Variants in PLA2G6 observed in about 807,000 individuals in gnomAD.
The protein encoded by PLA2G6 is 85/88 kDa calcium-independent phospholipase A2.
In PLA2G6, 62 loss-of-function variants were observed where a neutral mutation model predicts 83.8. The observed-to-expected ratio is 0.74, with a 90% CI of 0.60 to 0.91. The LOEUF is 0.91. Among genes scored for constraint, PLA2G6 ranks in the 40% least tolerant of loss-of-function variants. The pLI, the probability that PLA2G6 is intolerant of heterozygous loss-of-function variation, is 0.00. For synonymous variants in PLA2G6, 417 were observed against 449.8 expected, an observed-to-expected ratio of 0.93 and a Z score of 0.92; for missense variants, 944 against 1,102.0, an observed-to-expected ratio of 0.86 and a Z score of 2.03.
At chr22:38,160,359 T>A (rs949350987) in intron 2 of PLA2G6, among the ~76,000 whole-genome samples, 1 of 152,174 alleles carries the variant, frequency 6.6e-6, no homozygotes, top group Non-Finnish European at 1.5e-5. Context: ...AGTTCACTTC[T>A]AGGTATGTCT....
chr22:38,175,682 C>T (rs747353595), intron 1 of PLA2G6, among the ~76,000 whole-genome samples: 4 of 152,204 alleles, frequency 2.6e-5, no homozygotes, highest in Admixed American at 6.5e-5. Flanking sequence ...CATACCCGCA[C>T]CTCCGCCCTG....
chr22:38,170,090 C>G (rs193258960), intron 1 of PLA2G6, among the ~76,000 whole-genome samples: 63 of 151,116 alleles, frequency 4.2e-4, no homozygotes, highest in African/African-American at 1.5e-3. Flanking sequence ...CCCAGCTGCC[C>G]GGGAAGCTGA....
At chr22:38,127,417 C>A (rs2087929346) in intron 9 of PLA2G6, 1 of 1,326,504 alleles carries the variant, frequency 7.5e-7, no homozygotes, top group South Asian at 1.2e-5. Flanking sequence ...CCATCTGACG[C>A]CGCACCCCAG....
intron 2 of PLA2G6, 180 bp from the exon 3 acceptor site, chr22:38,145,833 A>ACACACC (rs1491467180): frequency 6.5e-4 from 385 of 594,816 alleles, no homozygotes; most frequent in Admixed American, 1.7e-3. Context: ...ACACACACAC[A>ACACACC]CCCCTATACA....
At chr22:38,135,320 C>A in intron 5 of PLA2G6, 1 of 533,522 alleles carries the variant, frequency 1.9e-6, no homozygotes, top group Non-Finnish European at 3.4e-6. Context: ...ATCACCCTCC[C>A]TGGTACTGGC....
rs116387231 is a variant in PLA2G6, at chr22:38,147,403, G to A, written c.210-1750C>T. On this transcript the variant is annotated intron_variant, in intron 2 of 16. Coordinates refer to ENST00000332509, the MANE Select transcript of PLA2G6 (RefSeq NM_003560.4). Reference sequence around the variant, plus strand: ...CTAGTGAAGGCAGTGCCCAGAGAGTGTTGGCTCAACGGGACCAGCCTGTTG... The same window carrying A: ...CTAGTGAAGGCAGTGCCCAGAGAGTATTGGCTCAACGGGACCAGCCTGTTG... 7.9e-3 allele frequency: 1,343 copies of A among 169,328 alleles called. 22 individuals carry two copies. The highest frequency in any genetic ancestry group is 0.03 in the African/African-American group (1,262 of 41,550). The allele number at this position is 169,328 out of a possible 1,614,324, so 10.5% of individuals were successfully genotyped here.
At chr22:38,141,634 G>A (rs902017447) in intron 4 of PLA2G6, 2 of 152,168 alleles carry the variant, frequency 1.3e-5, no homozygotes, top group Non-Finnish European at 2.9e-5. Context: ...AGAGGAAAGG[G>A]GAATAATGAC....
rs886057501 is a variant in PLA2G6, at chr22:38,113,654, C to T, written c.2035G>A (p.Gly679Ser). 2.5e-6 allele frequency: 4 copies of T among 1,613,580 alleles called. No homozygotes were observed. The highest frequency in any genetic ancestry group is 1.1e-5 in the South Asian group (1 of 91,066). The part of the protein sequence containing the change: ...HEYNQDLIRK[G>S]QANKVKKLSI... ...AGTTTCTTCACCTTGTTGGCCTGACCCTGTTGGGAACAGGACAGGGGCAGT... is the reference window on the plus strand; with the variant it reads ...AGTTTCTTCACCTTGTTGGCCTGACTCTGTTGGGAACAGGACAGGGGCAGT... Residue 679 changes from glycine (G) to serine (S), a missense_variant and splice_region_variant, in exon 15 of 17, where the codon GGT (glycine) becomes AGT (serine). Gly to Ser is a moderately conservative substitution (Grantham distance 56, BLOSUM62 0). Coordinates refer to ENST00000332509, the MANE Select transcript of PLA2G6 (RefSeq NM_003560.4).
At chr22:38,140,473 A>G in intron 4 of PLA2G6, 1 of 378,330 alleles carries the variant, frequency 2.6e-6, no homozygotes, top group Middle Eastern at 8.8e-4. Flanking sequence ...GCATCATTGC[A>G]CTCTAGCCTG....
At chr22:38,143,386 G>A (rs949096011) in intron 3 of PLA2G6, 98 bp from the exon 4 acceptor site, 13 of 1,162,744 alleles carry the variant, frequency 1.1e-5, no homozygotes, top group Non-Finnish European at 1.5e-5. Flanking sequence ...TCGGAAACTC[G>A]GACTTTCTGG....
intron 1 of PLA2G6, among the ~76,000 whole-genome samples, chr22:38,177,516 G>A (rs1201551355): frequency 6.8e-6 from 1 of 146,702 alleles, no homozygotes; most frequent in Non-Finnish European, 1.5e-5. Flanking sequence ...AAGCTGGAGT[G>A]CAATGGCGTG....
chr22:38,132,467 A>G lies in PLA2G6; in HGVS notation c.1077+364T>C, dbSNP rs1010815011. On this transcript the variant is annotated intron_variant, in intron 7 of 16. Coordinates refer to ENST00000332509, the MANE Select transcript of PLA2G6 (RefSeq NM_003560.4). This position sits in a 1 kb window ranked among gnomAD's most constrained non-coding sequence, Gnocchi z 5.0. ...CATAACTTTTCCACAACTCTTCCAG[A>G]TAAGTATTGACACCACCATTTTCCA... 2.1e-5 allele frequency: 8 copies of G among 376,058 alleles called. No homozygotes were observed. In the Admixed American group the frequency reaches 2.6e-4, roughly 12 times the overall value. The allele number at this position is 376,058 out of a possible 1,614,324, so 23.3% of individuals were successfully genotyped here.
intron 2 of PLA2G6, among the ~76,000 whole-genome samples, chr22:38,158,049 T>C (rs1470825702): frequency 6.6e-6 from 1 of 151,312 alleles, no homozygotes; most frequent in Non-Finnish European, 1.5e-5. Flanking sequence ...AATAAATATA[T>C]AAATAGGAAG....
chr22:38,117,120 A>G (rs2087253300), intron 12 of PLA2G6, among the ~76,000 whole-genome samples: 1 of 136,062 alleles, frequency 7.3e-6, no homozygotes, highest in South Asian at 2.5e-4. Flanking sequence ...CTATTATACT[A>G]ACTCTTCCAA....
intron 2 of PLA2G6, among the ~76,000 whole-genome samples, chr22:38,162,489 G>A (rs139396397): frequency 1.4e-4 from 22 of 152,288 alleles, no homozygotes; most frequent in African/African-American, 5.3e-4. Context: ...AGCACTGTGT[G>A]GGTGGAGGAC....
At chr22:38,161,675 A>T (rs564287469) in intron 2 of PLA2G6, among the ~76,000 whole-genome samples, 121 of 152,186 alleles carry the variant, frequency 8.0e-4, no homozygotes, top group African/African-American at 2.7e-3. Flanking sequence ...GGGAATGTGG[A>T]GTAGGCGGGG....
intron 12 of PLA2G6, among the ~76,000 whole-genome samples, chr22:38,120,192 C>A (rs562479701): frequency 6.6e-6 from 1 of 152,362 alleles, no homozygotes; most frequent in African/African-American, 2.4e-5. Context: ...CAAATGTTTC[C>A]TGGAAATGTG....
At chr22:38,178,897 C>T (rs971777623) in intron 1 of PLA2G6, among the ~76,000 whole-genome samples, 1 of 119,452 alleles carries the variant, frequency 8.4e-6, no homozygotes, top group Non-Finnish European at 1.8e-5. Context: ...CCAAAAAAAA[C>T]CCCACAAAAT....
chr22:38,177,733 G>T (rs1602300865), intron 1 of PLA2G6, among the ~76,000 whole-genome samples: 1 of 152,066 alleles, frequency 6.6e-6, no homozygotes, highest in South Asian at 2.1e-4. Context: ...CAAAGTGCTG[G>T]GGTTACAGGC....
Sources: allele counts gnomAD v4.1 joint callset (sites outside exome capture counted in the v4.1 genomes callset), GRCh38; gene constraint gnomAD v4.1.1; non-coding constraint Gnocchi (gnomAD v3.1); transcripts MANE v1.5; gene names NCBI Gene and HGNC (gene_info 2026-07-23, HGNC 2026-07-21).